Variants in TMOD3 observed in about 807,000 individuals in gnomAD.
The protein encoded by TMOD3 is tropomodulin 3, also known as tropomodulin-3.
TMOD3 carries 20 observed loss-of-function variants against 39.2 expected under a neutral mutation model. That is an observed-to-expected ratio of 0.51 (90% CI 0.36 to 0.74). The LOEUF is 0.74. TMOD3 is among the 30% of genes least tolerant of loss of function. The pLI is 0.00. For missense variants in TMOD3, 381 were observed against 412.8 expected (o/e 0.92, Z 0.67); for synonymous variants, 143 against 145.8 (o/e 0.98, Z 0.14).
chr15:51,889,901 CAAG>C (rs1424580610), intron 5 of TMOD3, among the ~76,000 whole-genome samples: 2 of 152,106 alleles, frequency 1.3e-5, no homozygotes, highest in East Asian at 3.9e-4. Context: ...CTTAAATTAG[CAAG>C]GTGATACATG....
At chr15:51,840,889 C>G (rs1023642683) in intron 1 of TMOD3, among the ~76,000 whole-genome samples, 1 of 152,180 alleles carries the variant, frequency 6.6e-6, no homozygotes, top group East Asian at 1.9e-4. Flanking sequence ...TGGCTTCTTG[C>G]TATCACCTAA....
chr15:51,859,620 C>G (rs1194673797), intron 1 of TMOD3: 1 of 539,684 alleles, frequency 1.9e-6, no homozygotes, highest in African/African-American at 1.9e-5. Flanking sequence ...GTCTTCTTGG[C>G]TTTTGGCACC....
intron 1 of TMOD3, among the ~76,000 whole-genome samples, chr15:51,850,162 A>G (rs1007621620): frequency 6.6e-6 from 1 of 152,176 alleles, no homozygotes; most frequent in Non-Finnish European, 1.5e-5. Flanking sequence ...GATGTGAAGT[A>G]GAAGGAGAGT....
At chr15:51,892,203 AG>A (rs2056597072) in intron 5 of TMOD3, among the ~76,000 whole-genome samples, 1 of 152,216 alleles carries the variant, frequency 6.6e-6, no homozygotes, top group Non-Finnish European at 1.5e-5. Flanking sequence ...AAAGCCAGAT[AG>A]TAGTCCATTT....
chr15:51,857,387 A>G (rs1291298712), intron 1 of TMOD3, among the ~76,000 whole-genome samples: 1 of 152,160 alleles, frequency 6.6e-6, no homozygotes. Flanking sequence ...AATACTGTAA[A>G]CAAGCTTTGT....
chr15:51,886,655 GGA>G (rs1331112715), intron 3 of TMOD3, among the ~76,000 whole-genome samples: 3 of 150,546 alleles, frequency 2.0e-5, no homozygotes, highest in African/African-American at 4.8e-5. Flanking sequence ...GGGAGACCGT[GGA>G]GAGAGAGGGA....
intron 3 of TMOD3, among the ~76,000 whole-genome samples, chr15:51,884,236 A>C (rs544122442): frequency 3.0e-4 from 45 of 152,334 alleles, no homozygotes; most frequent in African/African-American, 1.1e-3. Flanking sequence ...GGTGATCACC[A>C]AATTGTTTAT....
intron 5 of TMOD3, 75 bp from the exon 6 acceptor site, chr15:51,893,739 TG>T (rs1290907544): frequency 1.5e-6 from 2 of 1,364,806 alleles, no homozygotes; most frequent in Non-Finnish European, 1.9e-6. Context: ...CACTCCGGCC[TG>T]GGCGAAAGTG....
Position 51,913,272 on chromosome 15 carries a change from T to G in TMOD3, c.*4462T>G, listed in dbSNP as rs2056720061. On this transcript the variant is annotated 3_prime_UTR_variant, in exon 10 of 10. Transcript: ENST00000308580. The stretch of plus-strand genomic sequence containing the variant: ...CAGGCTTGAGCCACCACACTCAGCC[T>G]TATTCTTATATTTTAATTTGGTCAT... The G allele has an allele frequency of 6.6e-6, 1 of 152,198 alleles. No homozygotes were observed. The allele number at this position is 152,198 out of a possible 1,614,324, so 9.4% of individuals were successfully genotyped here. A position where few individuals can be genotyped will look rare whatever the true frequency, so the allele number is the denominator to read the frequency against.
chr15:51,861,169 A>G (rs1230263490), intron 1 of TMOD3: 5 of 477,188 alleles, frequency 1.0e-5, no homozygotes, highest in Middle Eastern at 4.0e-4. Flanking sequence ...TGGATTCTGT[A>G]CTGTAGATCA....
chr15:51,900,204 T>C lies in TMOD3; in HGVS notation c.785T>C (p.Val262Ala). 6.2e-7 allele frequency: 1 copy of C among 1,614,262 alleles called. No homozygotes were observed. The highest frequency in any genetic ancestry group is 2.2e-5 in the East Asian group (1 of 44,894). The change falls in exon 8 of 10, where the codon GTG (valine) becomes GCG (alanine). Residue 262 changes from valine (V) to alanine (A), a missense_variant. By Grantham distance (64) the Val-to-Ala change is moderately conservative (BLOSUM62 0). Coordinates refer to ENST00000308580, the MANE Select transcript of TMOD3 (RefSeq NM_014547.5). ...AACAAAACTTTGAAGAGCTTAAATG[T>C]GGAGTCCAACTTTATCACGGGAGTT... ...KVNKTLKSLN[V>A]ESNFITGVGI...
Position 51,843,047 on chromosome 15 carries a change from C to T in TMOD3, c.-75+13211C>T, listed in dbSNP as rs191231518. Among the ~76,000 whole-genome samples, 215 of 152,202 alleles carry T rather than the reference C, an allele frequency of 1.4e-3. 7 individuals are homozygous for T. Among genetic ancestry groups the T allele is most frequent in the East Asian group, 9.8e-3 (51 of 5,178 alleles). The stretch of plus-strand genomic sequence containing the variant: ...CATTCATTCTTACCAGCTGGGGCAC[C>T]GTACTCATGACTCAGTGGTGAGCAA... On this transcript the variant is annotated intron_variant, in intron 1 of 9. Transcript: ENST00000308580.
rs112034505 is a variant in TMOD3 at position 51,872,200 on chromosome 15, G to T, written c.283+2827G>T. On this transcript the variant is annotated intron_variant, in intron 3 of 9. Coordinates refer to ENST00000308580, the MANE Select transcript of TMOD3 (RefSeq NM_014547.5). ...TCTTGAGGTCAGGAGCTCGAGACCA[G>T]CCTGGCCAACATGGTGAAACCCCGT... Among the ~76,000 whole-genome samples, 58 of 152,276 alleles carry T rather than the reference G, an allele frequency of 3.8e-4. 2 individuals are homozygous for T. The highest frequency in any genetic ancestry group is 1.3e-3 in the African/African-American group (56 of 41,562).
Position 51,911,975 on chromosome 15 carries a change from T to C in TMOD3, c.*3165T>C, listed in dbSNP as rs2056713962. The stretch of plus-strand genomic sequence containing the variant: ...TGGTCATTTAATTGCGACTTCATGT[T>C]ATTTGATTGAAATAACCCACATCCT... On this transcript the variant is annotated 3_prime_UTR_variant, in exon 10 of 10. Transcript: ENST00000308580. The C allele has an allele frequency of 6.6e-6, 1 of 152,206 alleles. No individual in the cohort carries two copies. The highest frequency in any genetic ancestry group is 6.6e-5 in the Admixed American group (1 of 15,250). The allele number at this position is 152,206 out of a possible 1,614,324, so 9.4% of individuals were successfully genotyped here.
At position 51,872,974 on chromosome 15, in the gene TMOD3, A is replaced by G. The variant is rs575478687; in HGVS notation, c.283+3601A>G. On this transcript the variant is annotated intron_variant, in intron 3 of 9. Coordinates refer to ENST00000308580, the MANE Select transcript of TMOD3 (RefSeq NM_014547.5). ...GCCTTATAAGCCATGTCACAGTACC[A>G]TGGACCTGAAGGAGGGCAAATTCCT... Among the ~76,000 whole-genome samples the G allele has an allele frequency of 5.3e-5, 8 of 152,332 alleles. No homozygotes were observed. The East Asian group carries it at 1.2e-3, about 22-fold the overall frequency.
intron 1 of TMOD3, among the ~76,000 whole-genome samples, chr15:51,841,130 CA>C (rs956584580): frequency 6.6e-6 from 1 of 152,196 alleles, no homozygotes; most frequent in African/African-American, 2.4e-5. Context: ...AACTATTTTG[CA>C]AGGTTATTAT....
At chr15:51,831,420 C>A (rs952105381) in intron 1 of TMOD3, among the ~76,000 whole-genome samples, 10 of 152,168 alleles carry the variant, frequency 6.6e-5, no homozygotes, top group Admixed American at 1.3e-4. Context: ...TCTTTTCAAA[C>A]ACTTTAGCAT....
chr15:51,856,313 A>C (rs906120945), intron 1 of TMOD3, among the ~76,000 whole-genome samples: 2 of 152,224 alleles, frequency 1.3e-5, no homozygotes, highest in Non-Finnish European at 2.9e-5. Context: ...GCATCATTAG[A>C]TAGGATGAGC....
At chr15:51,853,838 A>G (rs1306248136) in intron 1 of TMOD3, among the ~76,000 whole-genome samples, 2 of 152,008 alleles carry the variant, frequency 1.3e-5, no homozygotes, top group East Asian at 3.9e-4. Flanking sequence ...TAAGGAAATC[A>G]TTAATTTTGC....
Sources: allele counts gnomAD v4.1 joint callset (sites outside exome capture counted in the v4.1 genomes callset), GRCh38; gene constraint gnomAD v4.1.1; transcripts MANE v1.5; gene names NCBI Gene and HGNC (gene_info 2026-07-23, HGNC 2026-07-21).